The following SPO11 variants were observed in gnomAD, a reference collection of about 807,000 sequenced individuals.
SPO11 encodes SPO11 initiator of meiotic double strand breaks.
In SPO11, 49 loss-of-function variants were observed where a neutral mutation model predicts 51.6. The observed-to-expected ratio is 0.95, with a 90% CI of 0.75 to 1.20. The LOEUF is 1.20. Ranked by LOEUF, SPO11 falls within the 50% of genes most tolerant of loss-of-function variation. SPO11 has a pLI of 0.00. For missense variants in SPO11, 431 were observed against 473.4 expected, an observed-to-expected ratio of 0.91 and a Z score of 0.83; for synonymous variants, 176 against 158.2, an observed-to-expected ratio of 1.11 and a Z score of -0.84.
Position 57,343,622 on chromosome 20 carries a change from T to A in SPO11, c.*162T>A. On this transcript the variant is annotated 3_prime_UTR_variant, in exon 13 of 13. Transcript: ENST00000371263. ...TATATTTTTGTCAAAACAAATGCTG[T>A]ACTCCAATTTTCTTTGCAAGGCCTT... 1 of 781,152 alleles carries A rather than the reference T, an allele frequency of 1.3e-6. No individual in the cohort carries two copies. Among genetic ancestry groups the A allele is most frequent in the Non-Finnish European group, 1.8e-6 (1 of 542,614 alleles). The allele number at this position is 781,152 out of a possible 1,614,324, so 48.4% of individuals were successfully genotyped here.
rs1334862562 is a variant in SPO11 at position 57,334,015 on chromosome 20, T to A, written c.430T>A (p.Phe144Ile). 6.3e-7 allele frequency: 1 copy of A among 1,583,872 alleles called. No homozygotes were observed. Among genetic ancestry groups the A allele is most frequent in the Non-Finnish European group, 8.6e-7 (1 of 1,164,858 alleles). Residue 144 changes from phenylalanine (F) to isoleucine (I), a missense_variant, in exon 5 of 13, where the codon TTT becomes ATT. Coordinates refer to ENST00000371263, the MANE Select transcript of SPO11 (RefSeq NM_012444.3). ...RDIYYTDSQLFGNQTVVDNII... is the reference protein window; with the variant it reads ...RDIYYTDSQLIGNQTVVDNII... ...CATATATTACACTGACAGTCAACTC[T>A]TTGGTAACCAGACTGTCGTCGACAA...
Position 57,343,534 on chromosome 20 carries a change from GAAAGAACATATATTATATT to G in SPO11, c.*75_*93del. The G allele has an allele frequency of 1.4e-6, 2 of 1,388,672 alleles. No individual in the cohort carries two copies. The highest frequency in any genetic ancestry group is 2.0e-6 in the Non-Finnish European group (2 of 1,021,236). The allele number at this position is 1,388,672 out of a possible 1,614,324, so 86.0% of individuals were successfully genotyped here. On this transcript the variant is annotated 3_prime_UTR_variant, in exon 13 of 13. Transcript: ENST00000371263. ...GTTTTGATTGGCAAATACTATTGTGGAAAGAACATATATTATATTCTTAATTCTGTAAAAGTGAAATAAA... is the reference window on the plus strand; with the variant it reads ...GTTTTGATTGGCAAATACTATTGTGGCTTAATTCTGTAAAAGTGAAATAAA...
chr20:57,333,349 G>C (rs28368074), intron 3 of SPO11, 73 bp downstream of exon 3: 49,864 of 1,077,678 alleles, frequency 0.046, 2,671 homozygotes, highest in African/African-American at 0.25. Context: ...TTTATTTGTT[G>C]CTAGTTAAAT....
At chr20:57,330,352 A>C (rs1342558151) in intron 1 of SPO11, among the ~76,000 whole-genome samples, 1 of 151,830 alleles carries the variant, frequency 6.6e-6, no homozygotes, top group African/African-American at 2.4e-5. Context: ...TTTGGGATAA[A>C]ATTTTTGGTT....
chr20:57,329,849 C>CT lies in SPO11; in HGVS notation c.-18dup, dbSNP rs2066420348. 1.9e-6 allele frequency: 3 copies of CT among 1,604,314 alleles called. No individual in the cohort carries two copies. Among genetic ancestry groups the CT allele is most frequent in the Non-Finnish European group, 2.6e-6 (3 of 1,174,216 alleles). On this transcript the variant is annotated 5_prime_UTR_variant, in exon 1 of 13. Coordinates refer to ENST00000371263, the MANE Select transcript of SPO11 (RefSeq NM_012444.3). ...CCTAGGACAGGGGCTTCTGGAGCTT[C>CT]TGGCAGCCGTCTGCCCTCATGGCCT...
rs2066600585 is a variant in SPO11 at position 57,342,900 on chromosome 20, G to T, written c.1071+60G>T. The T allele has an allele frequency of 1.5e-5, 17 of 1,141,510 alleles. No individual in the cohort carries two copies. The South Asian group carries it at 2.3e-4, about 15-fold the overall frequency. 70.7% of individuals were successfully genotyped at this position (1,141,510 alleles called of 1,614,324 possible). ...TTAATTGTCTTTTACTTTAGTAGTG[G>T]CTATTCACATCGTATTTTGAAAATA... On this transcript the variant is annotated intron_variant, in intron 12 of 12. Coordinates refer to ENST00000371263, the MANE Select transcript of SPO11 (RefSeq NM_012444.3).
chr20:57,341,848 G>A (rs1167633915), intron 11 of SPO11, among the ~76,000 whole-genome samples: 7 of 152,134 alleles, frequency 4.6e-5, no homozygotes, highest in Admixed American at 3.9e-4. Flanking sequence ...AATTCTATCA[G>A]TGCACTAAAA....
chr20:57,343,931 A>G lies in SPO11; in HGVS notation c.*471A>G, dbSNP rs6070067. ...TTTGCCTTTATACTTTAGGGGTCTT[A>G]CTCCATTAATTCATTTGTTACATTA... On this transcript the variant is annotated 3_prime_UTR_variant, in exon 13 of 13. Transcript: ENST00000371263. The G allele has an allele frequency of 0.12, 18,619 of 152,296 alleles. 1,455 individuals carry two copies. Among genetic ancestry groups the G allele is most frequent in the South Asian group, 0.25 (1,220 of 4,820 alleles). The allele number at this position is 152,296 out of a possible 1,614,324, so 9.4% of individuals were successfully genotyped here. A position where few individuals can be genotyped will look rare whatever the true frequency, so the allele number is the denominator to read the frequency against.
intron 12 of SPO11, 129 bp downstream of exon 12, chr20:57,342,969 T>C: frequency 4.4e-6 from 3 of 689,198 alleles, no homozygotes; most frequent in Non-Finnish European, 7.5e-6. Flanking sequence ...TAAGTGTTGT[T>C]TGGCAGTAAA....
intron 8 of SPO11, among the ~76,000 whole-genome samples, chr20:57,337,478 G>A (rs1244798605): frequency 2.0e-5 from 3 of 152,132 alleles, no homozygotes; most frequent in South Asian, 2.1e-4. Context: ...GCTGAGATGC[G>A]AGCTCAGGCT....
chr20:57,339,971 G>C (rs2066560683), intron 10 of SPO11, 131 bp from the exon 11 acceptor site: 1 of 649,234 alleles, frequency 1.5e-6, no homozygotes, highest in African/African-American at 1.8e-5. Flanking sequence ...TCTTACTTCT[G>C]TGGGCTCTGG....
At position 57,329,943 on chromosome 20, in the gene SPO11, G is replaced by T. The variant is rs1179287557; in HGVS notation, c.76G>T (p.Ala26Ser). 1.2e-6 allele frequency: 2 copies of T among 1,613,086 alleles called. No individual in the cohort carries two copies. Among genetic ancestry groups the T allele is most frequent in the Non-Finnish European group, 1.7e-6 (2 of 1,179,812 alleles). ...CCGACACAGGGAGTCCCTGCTGGCT[G>T]CCCTGAGGAGAGGTGGCAGGGAGCC... Reference protein sequence around the residue: ...LDRHRESLLAALRRGGREPPT... With the variant: ...LDRHRESLLASLRRGGREPPT... Residue 26 changes from alanine to serine, a missense_variant, in exon 1 of 13, where the codon GCC becomes TCC. Ala to Ser is a moderately conservative substitution (Grantham distance 99, BLOSUM62 1). Around this residue, in one of 3 missense-constraint regions of SPO11, gnomAD observed 405 missense variants for 425.9 expected, o/e 0.95. Transcript: ENST00000371263.
At position 57,343,679 on chromosome 20, in the gene SPO11, C is replaced by T. The variant is rs2066610837; in HGVS notation, c.*219C>T. On this transcript the variant is annotated 3_prime_UTR_variant, in exon 13 of 13. Transcript: ENST00000371263. The stretch of plus-strand genomic sequence containing the variant: ...GCCTCTATAGAGACAGATTTCTGTC[C>T]TATCTTCTAAAGCAAATTATAAAAG... 2.9e-6 allele frequency: 1 copy of T among 346,778 alleles called. No individual in the cohort carries two copies. The highest frequency in any genetic ancestry group is 5.1e-5 in the East Asian group (1 of 19,614). 21.5% of individuals were successfully genotyped at this position (346,778 alleles called of 1,614,324 possible). A position where few individuals can be genotyped will look rare whatever the true frequency, so the allele number is the denominator to read the frequency against.
Position 57,343,526 on chromosome 20 carries a change from C to G in SPO11, c.*66C>G. 6.8e-7 allele frequency: 1 copy of G among 1,460,340 alleles called. No homozygotes were observed. Among genetic ancestry groups the G allele is most frequent in the Middle Eastern group, 2.2e-4 (1 of 4,544 alleles). 90.5% of individuals were successfully genotyped at this position (1,460,340 alleles called of 1,614,324 possible). On this transcript the variant is annotated 3_prime_UTR_variant, in exon 13 of 13. Transcript: ENST00000371263. ...TTAGTTTTGTTTTGATTGGCAAATA[C>G]TATTGTGGAAAGAACATATATTATA...
chr20:57,340,209 A>G, intron 11 of SPO11, 31 bp downstream of exon 11: 1 of 1,394,444 alleles, frequency 7.2e-7, no homozygotes, highest in Admixed American at 1.7e-5. Flanking sequence ...TAGGATATTT[A>G]AAATGACAGT....
At chr20:57,339,950 C>A in intron 10 of SPO11, 152 bp from the exon 11 acceptor site, 1 of 615,230 alleles carries the variant, frequency 1.6e-6, no homozygotes, top group Admixed American at 2.7e-5. Flanking sequence ...TAGCATAGCC[C>A]CTGATGGTTT....
chr20:57,331,707 C>A, intron 1 of SPO11, 126 bp from the exon 2 acceptor site: 1 of 475,654 alleles, frequency 2.1e-6, no homozygotes, highest in Non-Finnish European at 3.7e-6. Flanking sequence ...AAACCCCACC[C>A]CAATTACCTA....
At chr20:57,338,407 G>T in intron 9 of SPO11, 32 bp downstream of exon 9, 1 of 1,358,498 alleles carries the variant, frequency 7.4e-7, no homozygotes, top group Admixed American at 1.9e-5. Flanking sequence ...TACAACAATA[G>T]TCATAACTAA....
chr20:57,333,350 CTAGT>C (rs2066472134), intron 3 of SPO11, 74 bp downstream of exon 3: 6 of 1,067,036 alleles, frequency 5.6e-6, no homozygotes, highest in Non-Finnish European at 8.2e-6. Flanking sequence ...TTATTTGTTG[CTAGT>C]TAAATAATTT....
Sources: gnomAD v4.1 joint callset for allele counts (sites outside exome capture counted in the v4.1 genomes callset) on GRCh38, gnomAD v4.1.1 for gene constraint, gnomAD v4.1.1 regional missense constraint, MANE v1.5 for transcripts, NCBI Gene and HGNC (gene_info 2026-07-23, HGNC 2026-07-21) for gene names.